Variants in RBBP8 observed in about 807,000 individuals in gnomAD.
The protein encoded by RBBP8 is DNA endonuclease RBBP8.
RBBP8 carries 88 observed loss-of-function variants against 108.3 expected under a neutral mutation model. The ratio of observed to expected loss-of-function variants is 0.81; its 90% confidence interval spans 0.68 to 0.97. The LOEUF is 0.97. Among genes scored for constraint, RBBP8 ranks in the 50% least tolerant of loss-of-function variants. The pLI is 0.00. For synonymous variants in RBBP8, 332 were observed against 348.2 expected (o/e 0.95, Z 0.52); for missense variants, 1,023 against 1,049.0 (o/e 0.98, Z 0.34).
rs1267460176 is a variant in RBBP8, at chr18:22,948,425, A to G, written c.153-1193A>G. On this transcript the variant is annotated intron_variant, in intron 3 of 18. Transcript: ENST00000327155. ...TTAAATGAGAAATGGCCAGGTTAAC[A>G]AGCTTCAATGATATATTACTTTCTG... Among the ~76,000 whole-genome samples, 4 of 152,170 alleles carry G rather than the reference A, an allele frequency of 2.6e-5. No homozygotes were observed. The East Asian group carries it at 7.7e-4, about 29-fold the overall frequency.
At chr18:22,914,599 T>A (rs1450843276) in intron 1 of RBBP8, among the ~76,000 whole-genome samples, 1 of 152,210 alleles carries the variant, frequency 6.6e-6, no homozygotes, top group Admixed American at 6.5e-5. Context: ...TATTAATGAT[T>A]TACATTAAGC....
intron 5 of RBBP8, 114 bp downstream of exon 5, chr18:22,969,032 G>A (rs1913868252): frequency 1.2e-6 from 1 of 806,630 alleles, no homozygotes; most frequent in Non-Finnish European, 2.0e-6. Context: ...TCCTTATTTA[G>A]TAAAAGTTCA....
At chr18:22,949,206 G>T (rs977809409) in intron 3 of RBBP8, among the ~76,000 whole-genome samples, 3 of 152,072 alleles carry the variant, frequency 2.0e-5, no homozygotes, top group African/African-American at 7.2e-5. Flanking sequence ...GTTCCCGTTC[G>T]TCCACTTCAC....
At chr18:22,943,394 G>A (rs565102927) in intron 2 of RBBP8, among the ~76,000 whole-genome samples, 54 of 152,042 alleles carry the variant, frequency 3.6e-4, no homozygotes, top group African/African-American at 1.3e-3. Context: ...AGCCGTGATT[G>A]CACCACTGCA....
chr18:23,026,173 C>T lies in RBBP8; in HGVS notation c.2627C>T (p.Pro876Leu). 6.2e-7 allele frequency: 1 copy of T among 1,613,610 alleles called. No individual in the cohort carries two copies. The highest frequency in any genetic ancestry group is 8.5e-7 in the Non-Finnish European group (1 of 1,179,712). Residue 876 changes from proline (P) to leucine (L), a missense_variant, in exon 19 of 19, where the codon CCT becomes CTT. By Grantham distance (98) the Pro-to-Leu change is moderately conservative. Transcript: ENST00000327155. The stretch of plus-strand genomic sequence containing the variant: ...ATTAAGGAAGATCTTGATCCTTGTC[C>T]TCGTCCAAAAAGACGTCAGCCTTAC... ...GYIKEDLDPC[P>L]RPKRRQPYNA...
chr18:22,988,050 C>A (rs959186068), intron 8 of RBBP8, among the ~76,000 whole-genome samples: 16 of 152,274 alleles, frequency 1.1e-4, no homozygotes, highest in African/African-American at 3.9e-4. Context: ...TTTTGCTAAA[C>A]AGCCTCTAAG....
intron 2 of RBBP8, among the ~76,000 whole-genome samples, chr18:22,938,916 G>A (rs1910815433): frequency 6.6e-6 from 1 of 152,182 alleles, no homozygotes; most frequent in Non-Finnish European, 1.5e-5. Flanking sequence ...TTTATGACGT[G>A]CAAGGAGTTT....
At chr18:22,961,861 C>A (rs560009391) in intron 4 of RBBP8, among the ~76,000 whole-genome samples, 1 of 152,314 alleles carries the variant, frequency 6.6e-6, no homozygotes, top group South Asian at 2.1e-4. Flanking sequence ...GGTAGACTTA[C>A]AAATCTTTTT....
chr18:22,954,647 G>A (rs752074393), intron 4 of RBBP8, among the ~76,000 whole-genome samples: 9 of 152,178 alleles, frequency 5.9e-5, no homozygotes, highest in Non-Finnish European at 1.3e-4. Flanking sequence ...GGGTCTGGAG[G>A]ATGATGGCCG....
Position 23,001,683 on chromosome 18 carries a change from A to G in RBBP8, c.2241A>G (p.Ala747=). Residue 747 remains alanine, a synonymous_variant, in exon 15 of 19, where the codon GCA becomes GCG. Transcript: ENST00000327155. The part of the protein sequence containing the change: ...ESCLADSFSQ[A]ADEEEELSTA... ...GTTTGGCAGACAGTTTCTCCCAAGC[A>G]GCAGATGAAGAGGAGGAATTGTCTA... is the stretch of plus-strand genomic sequence containing the variant. 6.2e-7 allele frequency: 1 copy of G among 1,614,196 alleles called. No individual in the cohort carries two copies. Among genetic ancestry groups the G allele is most frequent in the Non-Finnish European group, 8.5e-7 (1 of 1,180,012 alleles).
chr18:22,963,238 T>C (rs1913270330), intron 4 of RBBP8, among the ~76,000 whole-genome samples: 1 of 152,132 alleles, frequency 6.6e-6, no homozygotes, highest in Non-Finnish European at 1.5e-5. Context: ...TTTTCTTTTT[T>C]CTGCTTTCTA....
intron 12 of RBBP8, among the ~76,000 whole-genome samples, chr18:22,996,146 A>G (rs995712281): frequency 4.6e-5 from 7 of 152,110 alleles, no homozygotes; most frequent in Non-Finnish European, 8.8e-5. Flanking sequence ...GGCAATTTGT[A>G]TATCTTCTTT....
chr18:22,915,116 C>T (rs1379715501), intron 1 of RBBP8, among the ~76,000 whole-genome samples: 1 of 152,032 alleles, frequency 6.6e-6, no homozygotes, highest in African/African-American at 2.4e-5. Context: ...AAGCACATGT[C>T]TTCTAGGGCA....
chr18:22,940,927 G>A (rs138250883), intron 2 of RBBP8, among the ~76,000 whole-genome samples: 128 of 151,950 alleles, frequency 8.4e-4, no homozygotes, highest in African/African-American at 2.9e-3. Flanking sequence ...GATTACAGGT[G>A]TGAGCCACCA....
At chr18:22,963,832 G>A (rs560228994) in intron 4 of RBBP8, among the ~76,000 whole-genome samples, 1 of 152,176 alleles carries the variant, frequency 6.6e-6, no homozygotes, top group South Asian at 2.1e-4. Flanking sequence ...GCAGTTAATT[G>A]TGGCCATTCT....
At chr18:23,011,675 A>G (rs1267121396) in intron 16 of RBBP8, among the ~76,000 whole-genome samples, 2 of 151,956 alleles carry the variant, frequency 1.3e-5, no homozygotes, top group African/African-American at 4.8e-5. Context: ...TCCTGACCTC[A>G]TGATCCGCCT....
chr18:23,014,060 G>A (rs1356597446), intron 16 of RBBP8, among the ~76,000 whole-genome samples: 1 of 152,050 alleles, frequency 6.6e-6, no homozygotes, highest in African/African-American at 2.4e-5. Context: ...AGTGAATGGC[G>A]CGATCTTGGC....
intron 2 of RBBP8, among the ~76,000 whole-genome samples, chr18:22,939,267 G>A (rs955308221): frequency 4.6e-5 from 7 of 152,192 alleles, no homozygotes; most frequent in Non-Finnish European, 8.8e-5. Flanking sequence ...AGTGCTTTGG[G>A]AGGCCAAGGT....
chr18:22,979,202 T>C (rs1035875581), intron 6 of RBBP8, among the ~76,000 whole-genome samples: 1 of 152,196 alleles, frequency 6.6e-6, no homozygotes, highest in Non-Finnish European at 1.5e-5. Context: ...CTGGCAGAGG[T>C]TGCAGTGCGC....
Sources: allele counts gnomAD v4.1 joint callset (sites outside exome capture counted in the v4.1 genomes callset), GRCh38; gene constraint gnomAD v4.1.1; transcripts MANE v1.5; gene names NCBI Gene and HGNC (gene_info 2026-07-23, HGNC 2026-07-21).